MICU1: variants seen among roughly 807,000 people sequenced by gnomAD.
MICU1 encodes the protein calcium uptake protein 1, mitochondrial.
Under a neutral mutation model 56.8 loss-of-function variants are expected in MICU1, and 45 were observed. That is an observed-to-expected ratio of 0.79 (90% CI 0.62 to 1.02). The LOEUF is 1.02. MICU1 is among the 50% of genes least tolerant of loss of function. The pLI, the probability that MICU1 is intolerant of heterozygous loss-of-function variation, is 0.00. For missense variants in MICU1, 504 were observed against 587.1 expected, an observed-to-expected ratio of 0.86 and a Z score of 1.46; for synonymous variants, 186 against 195.1, an observed-to-expected ratio of 0.95 and a Z score of 0.39.
chr10:72,377,505 C>T (rs529997114), intron 10 of MICU1, among the ~76,000 whole-genome samples: 29 of 152,166 alleles, frequency 1.9e-4, no homozygotes, highest in Non-Finnish European at 2.6e-4. Flanking sequence ...TTTCTCTTGC[C>T]GTTTTCTCTT....
chr10:72,531,483 G>A (rs187141041), intron 5 of MICU1: 3 of 152,226 alleles, frequency 2.0e-5, no homozygotes, highest in African/African-American at 7.2e-5. Context: ...ACTTTGCGAA[G>A]CCAAGGCGGG....
At chr10:72,503,081 G>C (rs905591756) in intron 6 of MICU1, 3 of 152,692 alleles carry the variant, frequency 2.0e-5, no homozygotes, top group Admixed American at 6.6e-5. Flanking sequence ...GTGGGTCTAG[G>C]GACAGGTTCT....
At chr10:72,459,661 C>A (rs369034410) in intron 8 of MICU1, among the ~76,000 whole-genome samples, 1 of 152,172 alleles carries the variant, frequency 6.6e-6, no homozygotes, top group Non-Finnish European at 1.5e-5. Flanking sequence ...TATACACTGT[C>A]CTTGAGTGAG....
At chr10:72,559,339 T>G (rs1399928975) in intron 3 of MICU1, among the ~76,000 whole-genome samples, 1 of 152,122 alleles carries the variant, frequency 6.6e-6, no homozygotes, top group Non-Finnish European at 1.5e-5. Context: ...AAAAACAATC[T>G]GAAGTAAATG....
chr10:72,586,080 T>C (rs781431542), intron 1 of MICU1, among the ~76,000 whole-genome samples: 37 of 144,124 alleles, frequency 2.6e-4, no homozygotes, highest in Non-Finnish European at 4.6e-4. Flanking sequence ...AATGGCATGG[T>C]CATAGCTCAC....
At chr10:72,529,810 A>C (rs1446404905) in intron 5 of MICU1, among the ~76,000 whole-genome samples, 1 of 152,118 alleles carries the variant, frequency 6.6e-6, no homozygotes, top group Non-Finnish European at 1.5e-5. Flanking sequence ...TTATATGCCA[A>C]CTAGATGGTA....
In MICU1 at chr10:72,467,022, G is replaced by A. The variant is rs149244031; in HGVS notation, c.933+8078C>T. The stretch of plus-strand genomic sequence containing the variant: ...TCTACTCTTTTTCTTTTTTTGAGAC[G>A]AAGTCTCACTCTGTTGCCCAGGCTG... On this transcript the variant is annotated intron_variant, in intron 8 of 11. Coordinates refer to ENST00000361114, the MANE Select transcript of MICU1 (RefSeq NM_001195518.2). Among the ~76,000 whole-genome samples the A allele has an allele frequency of 7.0e-3, 1,041 of 149,626 alleles. 13 individuals carry two copies. The highest frequency in any genetic ancestry group is 0.024 in the African/African-American group (979 of 40,566).
At chr10:72,397,395 G>A (rs1226781685) in intron 10 of MICU1, among the ~76,000 whole-genome samples, 2 of 152,106 alleles carry the variant, frequency 1.3e-5, no homozygotes, top group South Asian at 4.1e-4. Flanking sequence ...AATAACCAGC[G>A]AACATCATAA....
chr10:72,526,407 T>C (rs1035707222), intron 5 of MICU1, among the ~76,000 whole-genome samples: 1 of 152,152 alleles, frequency 6.6e-6, no homozygotes, highest in African/African-American at 2.4e-5. Context: ...GTGAATCTCC[T>C]GCCTCAGCCT....
chr10:72,624,833 C>T (rs1342532489), intron 1 of MICU1, among the ~76,000 whole-genome samples: 1 of 152,130 alleles, frequency 6.6e-6, no homozygotes, highest in Non-Finnish European at 1.5e-5. Flanking sequence ...GCAAAAGCCA[C>T]CTTCCTACAG....
intron 8 of MICU1, among the ~76,000 whole-genome samples, chr10:72,470,872 C>A (rs1331920780): frequency 6.6e-6 from 1 of 152,198 alleles, no homozygotes; most frequent in Non-Finnish European, 1.5e-5. Flanking sequence ...GAACTGCTGA[C>A]TGGCAAAAGG....
intron 5 of MICU1, among the ~76,000 whole-genome samples, chr10:72,522,190 A>C (rs1387638407): frequency 2.6e-5 from 4 of 152,164 alleles, no homozygotes; most frequent in Admixed American, 2.6e-4. Flanking sequence ...AACTTTATTT[A>C]TGTGACCTTA....
chr10:72,594,847 C>T (rs1253314082), intron 1 of MICU1, among the ~76,000 whole-genome samples: 1 of 141,738 alleles, frequency 7.1e-6, no homozygotes, highest in Non-Finnish European at 1.5e-5. Context: ...GAGGTTGAGG[C>T]TGCAGTAAGC....
chr10:72,440,725 A>G (rs1864893931), intron 8 of MICU1, among the ~76,000 whole-genome samples: 1 of 152,224 alleles, frequency 6.6e-6, no homozygotes, highest in South Asian at 2.1e-4. Context: ...CAATCCCATC[A>G]AAAAGTGGGC....
At chr10:72,528,367 G>A (rs189163869) in intron 5 of MICU1, among the ~76,000 whole-genome samples, 5 of 152,178 alleles carry the variant, frequency 3.3e-5, no homozygotes, top group Admixed American at 3.3e-4. Context: ...CTTTAAAAAT[G>A]GGATAGGGCA....
intron 8 of MICU1, among the ~76,000 whole-genome samples, chr10:72,453,518 CTTAT>C (rs200766380): frequency 7.9e-5 from 12 of 151,966 alleles, no homozygotes; most frequent in South Asian, 2.1e-4. Context: ...CTTTATTTTA[CTTAT>C]TTATTTATTT....
intron 10 of MICU1, among the ~76,000 whole-genome samples, chr10:72,400,903 A>ACC (rs1863432576): frequency 6.8e-6 from 1 of 148,064 alleles, no homozygotes; most frequent in South Asian, 2.1e-4. Context: ...ACACACACAC[A>ACC]CCCTATATGA....
intron 5 of MICU1, among the ~76,000 whole-genome samples, chr10:72,517,821 C>A (rs1867696096): frequency 6.6e-6 from 1 of 150,700 alleles, no homozygotes; most frequent in Non-Finnish European, 1.5e-5. Flanking sequence ...GTAAAATGAT[C>A]CTTCATTTAA....
chr10:72,610,878 T>C (rs1841825965), intron 1 of MICU1, among the ~76,000 whole-genome samples: 1 of 152,200 alleles, frequency 6.6e-6, no homozygotes, highest in Non-Finnish European at 1.5e-5. Flanking sequence ...TACATTACTT[T>C]ACCTTGTATT....
Sources: allele counts gnomAD v4.1 joint callset (sites outside exome capture counted in the v4.1 genomes callset), GRCh38; gene constraint gnomAD v4.1.1; transcripts MANE v1.5; gene names NCBI Gene and HGNC (gene_info 2026-07-23, HGNC 2026-07-21).